Variants in ZNF462 observed in about 807,000 individuals in gnomAD.
ZNF462 encodes the protein zinc finger protein 462, also known as zinc finger PBX1-interacting protein.
In ZNF462, 10 loss-of-function variants were observed where a neutral mutation model predicts 201.9. The observed-to-expected ratio is 0.05, with a 90% CI of 0.03 to 0.08. The LOEUF is 0.08. ZNF462 is among the 10% of genes least tolerant of loss of function. The pLI, the probability that ZNF462 is intolerant of heterozygous loss-of-function variation, is 1.00. For missense variants in ZNF462, 2,523 were observed against 3,168.3 expected (o/e 0.80, Z 4.89); for synonymous variants, 1,227 against 1,193.3 (o/e 1.03, Z -0.58).
rs1220830093 is a variant in ZNF462, at chr9:106,993,452, T to C, written c.7056+9043T>C. 6.6e-6 allele frequency among the ~76,000 whole-genome samples: 1 copy of C among 152,146 alleles called. No individual in the cohort carries two copies. Among genetic ancestry groups the C allele is most frequent in the African/African-American group, 2.4e-5 (1 of 41,448 alleles). Reference sequence around the variant, plus strand: ...ATCTTTCCTCCTAGATCTTTATCTTTGTTACTAGTGAGCGAGGCATCACTT... The same window carrying C: ...ATCTTTCCTCCTAGATCTTTATCTTCGTTACTAGTGAGCGAGGCATCACTT... On this transcript the variant is annotated intron_variant, in intron 10 of 12. Coordinates refer to ENST00000277225, the MANE Select transcript of ZNF462 (RefSeq NM_021224.6). The surrounding 1 kb of genome is among the most constrained non-coding windows in gnomAD (Gnocchi z 4.0).
intron 1 of ZNF462, among the ~76,000 whole-genome samples, chr9:106,884,602 T>C (rs1211653980): frequency 6.6e-6 from 1 of 152,194 alleles, no homozygotes; most frequent in Non-Finnish European, 1.5e-5. Flanking sequence ...ATATCTGTCA[T>C]TCATCAGTTA....
chr9:106,918,311 CAAG>C (rs1414183861), intron 1 of ZNF462, among the ~76,000 whole-genome samples: 1 of 152,092 alleles, frequency 6.6e-6, no homozygotes, highest in African/African-American at 2.4e-5. Flanking sequence ...AAAATTAAAT[CAAG>C]AAAATTAATT....
chr9:106,908,941 A>ATTT (rs1163695505), intron 1 of ZNF462, among the ~76,000 whole-genome samples: 1 of 25,350 alleles, frequency 3.9e-5, no homozygotes, highest in Non-Finnish European at 6.5e-5. Flanking sequence ...ATATATATAT[A>ATTT]TTTTTTTTTT....
chr9:106,914,351 C>T (rs971721575), intron 1 of ZNF462, among the ~76,000 whole-genome samples: 5 of 152,148 alleles, frequency 3.3e-5, no homozygotes, highest in Non-Finnish European at 7.4e-5. Context: ...CTGTCCTGTG[C>T]GTTGTAGAAT....
rs1444429289 is a variant in ZNF462, at chr9:106,886,429, T to G, written c.-31+23074T>G. 6.6e-6 allele frequency among the ~76,000 whole-genome samples: 1 copy of G among 152,184 alleles called. No homozygotes were observed. Among genetic ancestry groups the G allele is most frequent in the Non-Finnish European group, 1.5e-5 (1 of 68,034 alleles). On this transcript the variant is annotated intron_variant, in intron 1 of 12. Coordinates refer to ENST00000277225, the MANE Select transcript of ZNF462 (RefSeq NM_021224.6). This position sits in a 1 kb window ranked among gnomAD's most constrained non-coding sequence, Gnocchi z 4.6. ...AAGCCACTGCATGTTGGCAATGTAG[T>G]AGATCCTGGTTTTAAAAATAAAATG... is the stretch of plus-strand genomic sequence containing the variant.
chr9:106,954,546 T>A lies in ZNF462; in HGVS notation c.6427+15439T>A, dbSNP rs149131731. On this transcript the variant is annotated intron_variant, in intron 7 of 12. Transcript: ENST00000277225. The surrounding 1 kb of genome is among the most constrained non-coding windows in gnomAD (Gnocchi z 4.0). ...AAAAAAACTCAGTCAATATTCTCCATGTTTATACCCAGCCTTTTCTCTTTC... is the reference window on the plus strand; with the variant it reads ...AAAAAAACTCAGTCAATATTCTCCAAGTTTATACCCAGCCTTTTCTCTTTC... Among the ~76,000 whole-genome samples the A allele has an allele frequency of 1.3e-5, 2 of 152,004 alleles. No individual in the cohort carries two copies. Among genetic ancestry groups the A allele is most frequent in the Admixed American group, 6.6e-5 (1 of 15,242 alleles).
chr9:106,952,379 GA>G (rs1222454241), intron 7 of ZNF462, among the ~76,000 whole-genome samples: 2 of 152,162 alleles, frequency 1.3e-5, no homozygotes, highest in Non-Finnish European at 2.9e-5. Flanking sequence ...TACTATAGTA[GA>G]AGCAAATTTG....
At chr9:106,995,278 G>A (rs1328823185) in intron 10 of ZNF462, among the ~76,000 whole-genome samples, 5 of 152,102 alleles carry the variant, frequency 3.3e-5, no homozygotes, top group African/African-American at 9.7e-5. Context: ...GATTGCAAAA[G>A]AAAGTAGATA....
intron 1 of ZNF462, among the ~76,000 whole-genome samples, chr9:106,867,889 A>C (rs959965079): frequency 6.6e-6 from 1 of 152,194 alleles, no homozygotes; most frequent in East Asian, 1.9e-4. Context: ...ACTGTATCAG[A>C]TATTCTAAAT....
chr9:106,874,949 TA>T (rs1478412394), intron 1 of ZNF462, among the ~76,000 whole-genome samples: 1 of 152,232 alleles, frequency 6.6e-6, no homozygotes, highest in African/African-American at 2.4e-5. Context: ...AGGTGATTAT[TA>T]GGGGAAAACA....
Position 106,938,847 on chromosome 9 carries a change from T to G in ZNF462, c.6236-69T>G. ...GCATGAGTTAACTGAGTTATCTTGTTTCCACCCTGGCCTTATACCCTTCTC... is the reference window on the plus strand; with the variant it reads ...GCATGAGTTAACTGAGTTATCTTGTGTCCACCCTGGCCTTATACCCTTCTC... On this transcript the variant is annotated intron_variant, in intron 6 of 12. Coordinates refer to ENST00000277225, the MANE Select transcript of ZNF462 (RefSeq NM_021224.6). This position sits in a 1 kb window ranked among gnomAD's most constrained non-coding sequence, Gnocchi z 4.4. The G allele has an allele frequency of 6.8e-7, 1 of 1,466,050 alleles. No individual in the cohort carries two copies. Among genetic ancestry groups the G allele is most frequent in the Middle Eastern group, 1.8e-4 (1 of 5,496 alleles). 90.8% of individuals were successfully genotyped at this position (1,466,050 alleles called of 1,614,324 possible).
rs979688114 is a variant in ZNF462, at chr9:106,978,114, T to C, written c.6832+3841T>C. ...TTCTTCTTATAAGAACACTAGTCAT[T>C]GGGTTTAGGGCACACCCTAATCTAG... On this transcript the variant is annotated intron_variant, in intron 9 of 12. Transcript: ENST00000277225. The surrounding 1 kb of genome is among the most constrained non-coding windows in gnomAD (Gnocchi z 4.1). Among the ~76,000 whole-genome samples, 1 of 151,530 alleles carries C rather than the reference T, an allele frequency of 6.6e-6. No homozygotes were observed. The highest frequency in any genetic ancestry group is 1.5e-5 in the Non-Finnish European group (1 of 68,028).
chr9:106,936,133 A>G (rs769413205), intron 6 of ZNF462, among the ~76,000 whole-genome samples: 2 of 152,222 alleles, frequency 1.3e-5, no homozygotes, highest in Non-Finnish European at 2.9e-5. Flanking sequence ...GCTGGTCTCT[A>G]TCATATTGTT....
At chr9:106,947,410 C>T (rs1831158376) in intron 7 of ZNF462, among the ~76,000 whole-genome samples, 1 of 152,146 alleles carries the variant, frequency 6.6e-6, no homozygotes, top group Non-Finnish European at 1.5e-5. Flanking sequence ...GCTATGATAG[C>T]CACATCGAAG....
chr9:106,867,727 C>CT (rs1486883223), intron 1 of ZNF462, among the ~76,000 whole-genome samples: 1 of 151,938 alleles, frequency 6.6e-6, no homozygotes, highest in Non-Finnish European at 1.5e-5. Flanking sequence ...GGAAAGAGTC[C>CT]TTTTTTCTGT....
In ZNF462 at chr9:106,932,180, T is replaced by G; in HGVS notation, c.6013-266T>G. On this transcript the variant is annotated intron_variant, in intron 4 of 12. Transcript: ENST00000277225. The surrounding 1 kb of genome is among the most constrained non-coding windows in gnomAD (Gnocchi z 6.8). ...AAGTGCTGTTGAGTTTGGGAGAATGTAGGGAGAAAAAGAAAGCTGGAGGCA... is the reference window on the plus strand; with the variant it reads ...AAGTGCTGTTGAGTTTGGGAGAATGGAGGGAGAAAAAGAAAGCTGGAGGCA... The G allele has an allele frequency of 6.6e-7, 1 of 1,516,452 alleles. No individual in the cohort carries two copies. 93.9% of individuals were successfully genotyped at this position (1,516,452 alleles called of 1,614,324 possible). A position where few individuals can be genotyped will look rare whatever the true frequency, so the allele number is the denominator to read the frequency against.
At chr9:106,874,445 A>G (rs997826038) in intron 1 of ZNF462, among the ~76,000 whole-genome samples, 3 of 152,238 alleles carry the variant, frequency 2.0e-5, no homozygotes, top group South Asian at 2.1e-4. Context: ...TTGTGGATAC[A>G]GTGAGAACTG....
rs1434199103 is a variant in ZNF462 at position 106,923,962 on chromosome 9, C to T, written c.221-171C>T. ...TCTTTATCCATGAGAAGGTGCAGTA[C>T]GTATATCTTCATTGATGCTTTGTGA... On this transcript the variant is annotated intron_variant, in intron 2 of 12. Transcript: ENST00000277225. This position sits in a 1 kb window ranked among gnomAD's most constrained non-coding sequence, Gnocchi z 5.6. 6.6e-6 allele frequency among the ~76,000 whole-genome samples: 1 copy of T among 152,134 alleles called. No homozygotes were observed. The highest frequency in any genetic ancestry group is 2.4e-5 in the African/African-American group (1 of 41,436).
rs541899888 is a variant in ZNF462 at position 106,963,343 on chromosome 9, A to G, written c.6428-8662A>G. ...CACACTGTTTTAATAACTTAAAACA[A>G]TATATATGTATCTGGACTTAACAAA... On this transcript the variant is annotated intron_variant, in intron 7 of 12. Coordinates refer to ENST00000277225, the MANE Select transcript of ZNF462 (RefSeq NM_021224.6). This position sits in a 1 kb window ranked among gnomAD's most constrained non-coding sequence, Gnocchi z 4.7. Among the ~76,000 whole-genome samples the G allele has an allele frequency of 6.6e-6, 1 of 152,230 alleles. No individual in the cohort carries two copies. Among genetic ancestry groups the G allele is most frequent in the South Asian group, 2.1e-4 (1 of 4,822 alleles).
Sources: allele counts gnomAD v4.1 joint callset (sites outside exome capture counted in the v4.1 genomes callset), GRCh38; gene constraint gnomAD v4.1.1; non-coding constraint Gnocchi (gnomAD v3.1); transcripts MANE v1.5; gene names NCBI Gene and HGNC (gene_info 2026-07-23, HGNC 2026-07-21).